Variants in OSGEPL1 observed in about 807,000 individuals in gnomAD.
The protein encoded by OSGEPL1 is O-sialoglycoprotein endopeptidase like 1, also known as tRNA N6-adenosine threonylcarbamoyltransferase, mitochondrial.
Under a neutral mutation model 37.2 loss-of-function variants are expected in OSGEPL1, and 26 were observed. The observed-to-expected ratio is 0.70, with a 90% CI of 0.51 to 0.97. OSGEPL1 has a LOEUF of 0.97. Among genes scored for constraint, OSGEPL1 ranks in the 50% least tolerant of loss-of-function variants. The probability of loss-of-function intolerance (pLI) is 0.00; values close to 1 mark genes in which losing one functional copy is unlikely to be tolerated. For missense variants in OSGEPL1, 404 were observed against 487.0 expected (o/e 0.83, Z 1.60); for synonymous variants, 140 against 159.9 (o/e 0.88, Z 0.94).
rs536822486 is a variant in OSGEPL1, at chr2:189,755,484, A to G, written c.298T>C (p.Ser100Pro). The change falls in exon 3 of 9, where the codon TCT becomes CCT. Residue 100 changes from serine to proline, a missense_variant. Transcript: ENST00000264151. The part of the protein sequence containing the change: ...NIQRIVQEAL[S>P]ASGVSPSDLS... ...TCACTTGGAGAGACTCCACTGGCAGAAAGAGCTTCTTGTACTATTCGTTGA... is the reference window on the plus strand; with the variant it reads ...TCACTTGGAGAGACTCCACTGGCAGGAAGAGCTTCTTGTACTATTCGTTGA... 47 of 1,603,068 alleles carry G rather than the reference A, an allele frequency of 2.9e-5. No individual in the cohort carries two copies. Among genetic ancestry groups the G allele is most frequent in the Middle Eastern group, 3.3e-4 (2 of 6,024 alleles).
chr2:189,762,003 G>A (rs1301822859), intron 1 of OSGEPL1, among the ~76,000 whole-genome samples: 1 of 151,988 alleles, frequency 6.6e-6, no homozygotes, highest in Non-Finnish European at 1.5e-5. Context: ...GACAAAATGT[G>A]GATTTTCTAA....
rs183361329 is a variant in OSGEPL1 at position 189,749,777 on chromosome 2, T to C, written c.*28+773A>G. On this transcript the variant is annotated intron_variant, in intron 8 of 8. Coordinates refer to ENST00000264151, the MANE Select transcript of OSGEPL1 (RefSeq NM_022353.3). ...ACGAACTCTTAAAATTAATAACATA[T>C]TATGTTAGAGAAAGTCAGCTTTTGT... Among the ~76,000 whole-genome samples the C allele has an allele frequency of 1.5e-4, 23 of 152,264 alleles. No individual in the cohort carries two copies. In the East Asian group the frequency reaches 3.7e-3, roughly 24 times the overall value.
In OSGEPL1 at chr2:189,750,453, A is replaced by ATT. The variant is rs1559160189; in HGVS notation, c.*28+96_*28+97insAA. The ATT allele has an allele frequency of 1.8e-4, 81 of 454,454 alleles. 2 individuals carry two copies. Among genetic ancestry groups the ATT allele is most frequent in the South Asian group, 1.8e-3 (53 of 30,024 alleles). 28.2% of individuals were successfully genotyped at this position (454,454 alleles called of 1,614,324 possible). A position where few individuals can be genotyped will look rare whatever the true frequency, so the allele number is the denominator to read the frequency against. Reference sequence around the variant, plus strand: ...AAGAGCAGGTAAAACATCAAATAGAAAAAAAAAAATAAAATCTTGATGAAT... The same window carrying ATT: ...AAGAGCAGGTAAAACATCAAATAGAATTAAAAAAAAATAAAATCTTGATGAAT... On this transcript the variant is annotated intron_variant, in intron 8 of 8. Coordinates refer to ENST00000264151, the MANE Select transcript of OSGEPL1 (RefSeq NM_022353.3).
rs750698919 is a variant in OSGEPL1, at chr2:189,752,721, A to G, written c.1098T>C (p.Asn366=). ...AGCCAGCACGTAGTCTTTCAATACC[A>G]TTCCTAAATAAGAAGCATTAAAATA... ...CTDNGIMIAW[N]GIERLRAGLG... Residue 366 remains asparagine (N), a synonymous_variant, in exon 7 of 9, where the codon AAT becomes AAC. Transcript: ENST00000264151. 6.2e-7 allele frequency: 1 copy of G among 1,613,936 alleles called. No homozygotes were observed. The highest frequency in any genetic ancestry group is 1.1e-5 in the South Asian group (1 of 91,082).
chr2:189,763,062 T>C, upstream of OSGEPL1: 6 of 985,314 alleles, frequency 6.1e-6, no homozygotes, highest in Non-Finnish European at 6.0e-6. Flanking sequence ...TTTTTTGCCC[T>C]TGGCTGGAAT....
In OSGEPL1 at chr2:189,754,296, C is replaced by T; in HGVS notation, c.659G>A (p.Ser220Asn). 1 of 1,613,764 alleles carries T rather than the reference C, an allele frequency of 6.2e-7. No individual in the cohort carries two copies. Among genetic ancestry groups the T allele is most frequent in the Non-Finnish European group, 8.5e-7 (1 of 1,179,756 alleles). ...LIKHPECSTM[S>N]GGKAIEHLAK... Reference sequence around the variant, plus strand: ...CAAATGTTCTATGGCTTTCCCACCACTCATGGTGGAGCACTCTGGATGTTT... The same window carrying T: ...CAAATGTTCTATGGCTTTCCCACCATTCATGGTGGAGCACTCTGGATGTTT... The change falls in exon 4 of 9, where the codon AGT (serine) becomes AAT (asparagine). Residue 220 changes from serine (S) to asparagine (N), a missense_variant. Coordinates refer to ENST00000264151, the MANE Select transcript of OSGEPL1 (RefSeq NM_022353.3).
At chr2:189,749,560 A>G (rs1470338461) in intron 8 of OSGEPL1, among the ~76,000 whole-genome samples, 1 of 152,178 alleles carries the variant, frequency 6.6e-6, no homozygotes, top group African/African-American at 2.4e-5. Flanking sequence ...AAAAATCCAA[A>G]AAAACTCCCT....
intron 7 of OSGEPL1, among the ~76,000 whole-genome samples, chr2:189,751,498 G>A (rs1246003956): frequency 1.4e-5 from 2 of 145,036 alleles, no homozygotes; most frequent in African/African-American, 5.2e-5. Context: ...GGGCTGGAGT[G>A]CAGTGGCGTG....
chr2:189,758,747 C>T (rs2046477707), intron 2 of OSGEPL1, among the ~76,000 whole-genome samples: 1 of 152,092 alleles, frequency 6.6e-6, no homozygotes, highest in Non-Finnish European at 1.5e-5. Context: ...TAGACATGGC[C>T]CCTGTCACCT....
chr2:189,755,069 T>TA, intron 3 of OSGEPL1, 104 bp downstream of exon 3: 1 of 1,375,846 alleles, frequency 7.3e-7, no homozygotes, highest in Non-Finnish European at 9.8e-7. Flanking sequence ...TTTACTAAGA[T>TA]AAAATTCAGA....
At chr2:189,754,412 A>G in intron 3 of OSGEPL1, 67 bp from the exon 4 acceptor site, 1 of 1,398,244 alleles carries the variant, frequency 7.2e-7, no homozygotes, top group Middle Eastern at 1.9e-4. Context: ...ATGCAAAGGA[A>G]ATAAATTGAA....
At chr2:189,758,386 G>GA (rs1008162705) in intron 2 of OSGEPL1, among the ~76,000 whole-genome samples, 98 of 147,016 alleles carry the variant, frequency 6.7e-4, no homozygotes, top group African/African-American at 2.2e-3. Context: ...CATCTCAAAA[G>GA]AAAAAAAAAA....
intron 2 of OSGEPL1, among the ~76,000 whole-genome samples, chr2:189,755,841 A>G (rs1368599409): frequency 1.3e-5 from 2 of 152,206 alleles, no homozygotes; most frequent in Non-Finnish European, 2.9e-5. Flanking sequence ...AAAGCATTCC[A>G]TACAAGTTTT....
chr2:189,753,109 A>C, intron 5 of OSGEPL1, 130 bp from the exon 6 acceptor site: 1 of 713,490 alleles, frequency 1.4e-6, no homozygotes, highest in South Asian at 3.6e-5. Flanking sequence ...TAATGGGCAG[A>C]TGACATATCT....
chr2:189,752,348 T>C (rs943978579), intron 7 of OSGEPL1, among the ~76,000 whole-genome samples: 7 of 152,168 alleles, frequency 4.6e-5, no homozygotes, highest in Non-Finnish European at 1.0e-4. Context: ...TGAGATGTTC[T>C]TGACATTGCA....
In OSGEPL1 at chr2:189,753,907, A is replaced by G; in HGVS notation, c.963+9T>C. 6.2e-7 allele frequency: 1 copy of G among 1,611,884 alleles called. No individual in the cohort carries two copies. ...TGTAACTATTACTATAAAATGAGAT[A>G]AAACTTACCAGTACTGCATTATTTT... On this transcript the variant is annotated intron_variant, in intron 5 of 8. Transcript: ENST00000264151.
intron 5 of OSGEPL1, among the ~76,000 whole-genome samples, chr2:189,753,319 T>G (rs2045583069): frequency 6.6e-6 from 1 of 152,182 alleles, no homozygotes; most frequent in African/African-American, 2.4e-5. Context: ...AAATTATTCT[T>G]TGATATCCAT....
chr2:189,754,962 A>G (rs1478451592), intron 3 of OSGEPL1: 1 of 595,042 alleles, frequency 1.7e-6, no homozygotes, highest in African/African-American at 1.9e-5. Flanking sequence ...TTATGTACAG[A>G]TATGAACCTC....
At chr2:189,749,992 G>A (rs192229363) in intron 8 of OSGEPL1, among the ~76,000 whole-genome samples, 4 of 152,228 alleles carry the variant, frequency 2.6e-5, no homozygotes, top group Admixed American at 2.6e-4. Context: ...ACGTGGTGGT[G>A]GGCTCCTGTA....
Sources: gnomAD v4.1 joint callset for allele counts (sites outside exome capture counted in the v4.1 genomes callset) on GRCh38, gnomAD v4.1.1 for gene constraint, MANE v1.5 for transcripts, NCBI Gene and HGNC (gene_info 2026-07-23, HGNC 2026-07-21) for gene names.